The following PLCXD3 variants were observed in gnomAD, a reference collection of about 807,000 sequenced individuals.
PLCXD3 encodes the protein phosphatidylinositol specific phospholipase C X domain containing 3.
In PLCXD3, 19 loss-of-function variants were observed where a neutral mutation model predicts 25.5. That is an observed-to-expected ratio of 0.75 (90% CI 0.52 to 1.09). The LOEUF is 1.09. Ranked by LOEUF, PLCXD3 falls within the 50% of genes least tolerant of loss-of-function variation. The pLI, the probability that PLCXD3 is intolerant of heterozygous loss-of-function variation, is 0.00. For missense variants in PLCXD3, 411 were observed against 388.1 expected (o/e 1.06, Z -0.50); for synonymous variants, 174 against 137.6 (o/e 1.26, Z -1.85).
In PLCXD3 at chr5:41,510,405, G is replaced by A; in HGVS notation, c.103+19C>T. ...GGAGCGGGCGCCGAGCGCCTAGCCC[G>A]CAGCCCCTGCGCGCCTACCTGGAAT... On this transcript the variant is annotated intron_variant, in intron 1 of 2. Transcript: ENST00000377801. 6.3e-7 allele frequency: 1 copy of A among 1,591,626 alleles called. No homozygotes were observed.
chr5:41,475,666 G>A (rs1244893190), intron 1 of PLCXD3: 4 of 534,624 alleles, frequency 7.5e-6, no homozygotes, highest in Non-Finnish European at 1.5e-5. Flanking sequence ...GGCGCCACCT[G>A]TGGCTGTCTG....
At chr5:41,365,451 T>C (rs1744906241) in intron 2 of PLCXD3, among the ~76,000 whole-genome samples, 1 of 152,166 alleles carries the variant, frequency 6.6e-6, no homozygotes, top group South Asian at 2.1e-4. Context: ...TTGCAAGCAA[T>C]GTCTCATGCC....
rs1006242228 is a variant in PLCXD3, at chr5:41,434,660, G to A, written c.104-52126C>T. 3.9e-5 allele frequency among the ~76,000 whole-genome samples: 6 copies of A among 152,218 alleles called. No individual in the cohort carries two copies. The East Asian group carries it at 1.2e-3, about 29-fold the overall frequency. The stretch of plus-strand genomic sequence containing the variant: ...ATTAGGGGTATAAATTATAAAGGGG[G>A]AAGCTTGGAATGGGTTCTTGAAAGA... On this transcript the variant is annotated intron_variant, in intron 1 of 2. Coordinates refer to ENST00000377801, the MANE Select transcript of PLCXD3 (RefSeq NM_001005473.3).
At chr5:41,380,100 C>G (rs149091915) in intron 2 of PLCXD3, among the ~76,000 whole-genome samples, 1 of 151,946 alleles carries the variant, frequency 6.6e-6, no homozygotes, top group East Asian at 1.9e-4. Flanking sequence ...AATGAGTTGG[C>G]CTATATTTGT....
chr5:41,465,378 T>TTTTTTTC, intron 1 of PLCXD3, among the ~76,000 whole-genome samples: 1 of 143,692 alleles, frequency 7.0e-6, no homozygotes, highest in Non-Finnish European at 1.5e-5. Context: ...TTTTTTTTTT[T>TTTTTTTC]TTTTTTTTGC....
chr5:41,499,524 G>T (rs1598738), intron 1 of PLCXD3, among the ~76,000 whole-genome samples: 5 of 151,628 alleles, frequency 3.3e-5, no homozygotes, highest in Non-Finnish European at 7.4e-5. Flanking sequence ...GTCATCATAC[G>T]TTCATGGACT....
At chr5:41,498,010 G>A (rs1383029289) in intron 1 of PLCXD3, among the ~76,000 whole-genome samples, 1 of 150,720 alleles carries the variant, frequency 6.6e-6, no homozygotes, top group Non-Finnish European at 1.5e-5. Context: ...AAGATGAGAT[G>A]AAAACACAAC....
Position 41,364,974 on chromosome 5 carries a change from G to T in PLCXD3, c.812+16852C>A, listed in dbSNP as rs181877847. Among the ~76,000 whole-genome samples, 12 of 152,248 alleles carry T rather than the reference G, an allele frequency of 7.9e-5. No homozygotes were observed. In the East Asian group the frequency reaches 2.3e-3, roughly 29 times the overall value. On this transcript the variant is annotated intron_variant, in intron 2 of 2. Transcript: ENST00000377801. ...CATGCATTTAGCAAATTTTCTCAGG[G>T]AACTTGCTAAATTTTATTGTCAAAA...
At chr5:41,330,581 C>A (rs1298931820) in intron 2 of PLCXD3, among the ~76,000 whole-genome samples, 1 of 152,176 alleles carries the variant, frequency 6.6e-6, no homozygotes, top group Non-Finnish European at 1.5e-5. Context: ...AGGAATCCTC[C>A]CTAACTCATT....
At chr5:41,363,139 C>T (rs751303896) in intron 2 of PLCXD3, among the ~76,000 whole-genome samples, 1 of 152,116 alleles carries the variant, frequency 6.6e-6, no homozygotes, top group African/African-American at 2.4e-5. Flanking sequence ...CAGAGTTAGT[C>T]GGTACATGGC....
rs201967446 is a variant in PLCXD3 at position 41,369,731 on chromosome 5, G to A, written c.812+12095C>T. On this transcript the variant is annotated intron_variant, in intron 2 of 2. Transcript: ENST00000377801. ...TGACCTCAAGTGATTCACCCAGCTC[G>A]GCCTCCCAAAGTGCTGGGATTACAA... 9.2e-5 allele frequency among the ~76,000 whole-genome samples: 14 copies of A among 152,154 alleles called. No homozygotes were observed. In the East Asian group the frequency reaches 9.7e-4, roughly 11 times the overall value.
At chr5:41,405,807 T>A (rs1010329088) in intron 1 of PLCXD3, among the ~76,000 whole-genome samples, 1 of 152,100 alleles carries the variant, frequency 6.6e-6, no homozygotes, top group Non-Finnish European at 1.5e-5. Flanking sequence ...ACCATTTCCA[T>A]TCAAATTCTC....
chr5:41,460,156 G>A (rs544069180), intron 1 of PLCXD3, among the ~76,000 whole-genome samples: 1 of 152,012 alleles, frequency 6.6e-6, no homozygotes, highest in African/African-American at 2.4e-5. Context: ...TGATTTTATG[G>A]ATGCTAGTGT....
chr5:41,334,589 G>C (rs1320675545), intron 2 of PLCXD3, among the ~76,000 whole-genome samples: 5 of 152,138 alleles, frequency 3.3e-5, no homozygotes, highest in African/African-American at 1.2e-4. Context: ...AAGGTTGTTA[G>C]TTTAGTTTAG....
rs1457990792 is a variant in PLCXD3 at position 41,309,759 on chromosome 5, C to T, written c.*3858G>A. 1 of 152,116 alleles carries T rather than the reference C, an allele frequency of 6.6e-6. No homozygotes were observed. Among genetic ancestry groups the T allele is most frequent in the African/African-American group, 2.4e-5 (1 of 41,440 alleles). 9.4% of individuals were successfully genotyped at this position (152,116 alleles called of 1,614,324 possible). ...TATATTCTAGTCCATTATGGATTCT[C>T]TAATTTGAAGTGAAATTGAGAATTT... On this transcript the variant is annotated 3_prime_UTR_variant, in exon 3 of 3. Transcript: ENST00000377801.
chr5:41,459,775 A>G (rs1747833861), intron 1 of PLCXD3, among the ~76,000 whole-genome samples: 1 of 151,816 alleles, frequency 6.6e-6, no homozygotes, highest in Admixed American at 6.6e-5. Context: ...CTGTCAATCT[A>G]CTTGTCAGAT....
chr5:41,465,339 C>T (rs1165980859), intron 1 of PLCXD3, among the ~76,000 whole-genome samples: 1 of 91,210 alleles, frequency 1.1e-5, no homozygotes, highest in African/African-American at 4.4e-5. Context: ...CCTACTTTCC[C>T]CACTAGTTCT....
chr5:41,346,697 A>G (rs1261225907), intron 2 of PLCXD3, among the ~76,000 whole-genome samples: 6 of 152,318 alleles, frequency 3.9e-5, no homozygotes, highest in Admixed American at 3.3e-4. Context: ...CCACTCTCCA[A>G]CTATCTCTAT....
chr5:41,496,145 G>A (rs768545680), intron 1 of PLCXD3, among the ~76,000 whole-genome samples: 1 of 151,960 alleles, frequency 6.6e-6, no homozygotes, highest in Non-Finnish European at 1.5e-5. Flanking sequence ...CTTGAGGATA[G>A]ATCATTCGAA....
Sources: gnomAD v4.1 joint callset for allele counts (sites outside exome capture counted in the v4.1 genomes callset) on GRCh38, gnomAD v4.1.1 for gene constraint, MANE v1.5 for transcripts, NCBI Gene and HGNC (gene_info 2026-07-23, HGNC 2026-07-21) for gene names.